RINL: variants seen among roughly 807,000 people sequenced by gnomAD.
The protein encoded by RINL is Ras and Rab interactor like, also known as ras and Rab interactor-like protein.
A neutral mutation model predicts 58.1 loss-of-function variants in RINL; 39 were observed. That is an observed-to-expected ratio of 0.67 (90% CI 0.52 to 0.88). The LOEUF (loss-of-function observed/expected upper bound fraction) is 0.88, where lower values mean the gene tolerates loss of function less well. Among genes scored for constraint, RINL ranks in the 40% least tolerant of loss-of-function variants. The probability of loss-of-function intolerance (pLI) is 0.00; values close to 1 mark genes in which losing one functional copy is unlikely to be tolerated. For missense variants in RINL, 711 were observed against 749.2 expected (o/e 0.95, Z 0.60); for synonymous variants, 286 against 323.1 (o/e 0.89, Z 1.23).
chr19:38,869,851 G>A lies in RINL; in HGVS notation c.1342+92C>T, dbSNP rs2145471395. 6.6e-7 allele frequency: 1 copy of A among 1,515,134 alleles called. No individual in the cohort carries two copies. The highest frequency in any genetic ancestry group is 8.9e-7 in the Non-Finnish European group (1 of 1,125,826). 93.9% of individuals were successfully genotyped at this position (1,515,134 alleles called of 1,614,324 possible). On this transcript the variant is annotated intron_variant, in intron 9 of 11. Coordinates refer to ENST00000591812, the MANE Select transcript of RINL (RefSeq NM_001195833.2). The surrounding 1 kb of genome is among the most constrained non-coding windows in gnomAD (Gnocchi z 5.7). ...GCCTCCTACCAGAATCTTCAGGACC[G>A]CATAGATTCCTCCCACCAGTGCTAC...
At position 38,870,120 on chromosome 19, in the gene RINL, G is replaced by A; in HGVS notation, c.1165C>T (p.Pro389Ser). 7.0e-7 allele frequency: 1 copy of A among 1,425,592 alleles called. No homozygotes were observed. The highest frequency in any genetic ancestry group is 9.1e-7 in the Non-Finnish European group (1 of 1,100,388). 88.3% of individuals were successfully genotyped at this position (1,425,592 alleles called of 1,614,324 possible). Reference protein sequence around the residue: ...RQTALRAGAGPPGAQGPGPEG... With the variant: ...RQTALRAGAGSPGAQGPGPEG... ...GGTCCCGGCCCCTGTGCCCCCGGAG[G>A]CCCCGCCCCCGCCCGCAGGGCTGTC... The change falls in exon 9 of 12, where the codon CCT (proline) becomes TCT (serine). Residue 389 changes from proline (P) to serine (S), a missense_variant. Coordinates refer to ENST00000591812, the MANE Select transcript of RINL (RefSeq NM_001195833.2). The surrounding 1 kb of genome is among the most constrained non-coding windows in gnomAD (Gnocchi z 5.8).
At chr19:38,875,549 T>C (rs1972905222) in intron 3 of RINL, among the ~76,000 whole-genome samples, 1 of 150,422 alleles carries the variant, frequency 6.6e-6, no homozygotes, top group Non-Finnish European at 1.5e-5. Flanking sequence ...TTGTGGCAGA[T>C]GCCTGTAATC....
chr19:38,870,822 C>G lies in RINL; in HGVS notation c.772G>C (p.Val258Leu). 1 of 1,610,520 alleles carries G rather than the reference C, an allele frequency of 6.2e-7. No homozygotes were observed. Among genetic ancestry groups the G allele is most frequent in the South Asian group, 1.1e-5 (1 of 91,092 alleles). Residue 258 changes from valine to leucine, a missense_variant, in exon 8 of 12, where the codon GTG becomes CTG. By Grantham distance (32) the Val-to-Leu change is conservative. Transcript: ENST00000591812. This position sits in a 1 kb window ranked among gnomAD's most constrained non-coding sequence, Gnocchi z 5.8. ...DDPEEEGPED[V>L]LTIHVQSLVR... ...AGAGACTGGACGTGAATGGTGAGCA[C>G]GTCCTCAGGGCCTTCCTCTTCAGGG...
rs767209812 is a variant in RINL, at chr19:38,869,352, G to C, written c.1533C>G (p.Pro511=). ...GALHHIAHYQ[P]ETDRAPRGLS... ...GCCCCCGGGGAGCGCGGTCTGTTTC[G>C]GGCTGGTAGTGGGCAATGTGGTGCA... Residue 511 remains proline, a synonymous_variant, in exon 11 of 12, where the codon CCC becomes CCG. Coordinates refer to ENST00000591812, the MANE Select transcript of RINL (RefSeq NM_001195833.2). The surrounding 1 kb of genome is among the most constrained non-coding windows in gnomAD (Gnocchi z 5.7). The C allele has an allele frequency of 6.2e-7, 1 of 1,613,648 alleles. No individual in the cohort carries two copies. The highest frequency in any genetic ancestry group is 2.2e-5 in the East Asian group (1 of 44,892).
rs1972716456 is a variant in RINL, at chr19:38,868,283, A to G, written c.*821T>C. On this transcript the variant is annotated 3_prime_UTR_variant, in exon 12 of 12. Coordinates refer to ENST00000591812, the MANE Select transcript of RINL (RefSeq NM_001195833.2). ...TTTAGTTTTTTAAATTGTAGTTACT[A>G]TGAACAATGAAATACATAAATATAT... is the stretch of plus-strand genomic sequence containing the variant. The G allele has an allele frequency of 6.6e-6, 1 of 152,162 alleles. No homozygotes were observed. Among genetic ancestry groups the G allele is most frequent in the Admixed American group, 6.5e-5 (1 of 15,272 alleles). 9.4% of individuals were successfully genotyped at this position (152,162 alleles called of 1,614,324 possible).
chr19:38,869,594 G>T lies in RINL; in HGVS notation c.1453C>A (p.Pro485Thr), dbSNP rs774269200. The part of the protein sequence containing the change: ...DVEFLMELLD[P>T]DELRGEAGYY... ...TCACCCTCTCCCCGCAGCTCATCTGGATCTAAGAGCTCCATAAGAAACTCT... is the reference window on the plus strand; with the variant it reads ...TCACCCTCTCCCCGCAGCTCATCTGTATCTAAGAGCTCCATAAGAAACTCT... Residue 485 changes from proline to threonine, a missense_variant, in exon 10 of 12, where the codon CCA becomes ACA. Transcript: ENST00000591812. The surrounding 1 kb of genome is among the most constrained non-coding windows in gnomAD (Gnocchi z 5.7). 6.2e-7 allele frequency: 1 copy of T among 1,613,840 alleles called. No homozygotes were observed. Among genetic ancestry groups the T allele is most frequent in the Non-Finnish European group, 8.5e-7 (1 of 1,179,988 alleles).
chr19:38,870,141 C>T lies in RINL; in HGVS notation c.1144G>A (p.Ala382Thr). The stretch of plus-strand genomic sequence containing the variant: ...GGAGGCCCCGCCCCCGCCCGCAGGG[C>T]TGTCTGTCGCCGCCGCAGCCGCCGC... ...ELRRLRRRQTALRAGAGPPGA... is the reference protein window; with the variant it reads ...ELRRLRRRQTTLRAGAGPPGA... Residue 382 changes from alanine (A) to threonine (T), a missense_variant, in exon 9 of 12, where the codon GCC becomes ACC. By Grantham distance (58) the Ala-to-Thr change is moderately conservative (BLOSUM62 0). Transcript: ENST00000591812. This position sits in a 1 kb window ranked among gnomAD's most constrained non-coding sequence, Gnocchi z 5.8. 1 of 1,413,214 alleles carries T rather than the reference C, an allele frequency of 7.1e-7. No individual in the cohort carries two copies. Among genetic ancestry groups the T allele is most frequent in the Non-Finnish European group, 9.1e-7 (1 of 1,094,078 alleles). 87.5% of individuals were successfully genotyped at this position (1,413,214 alleles called of 1,614,324 possible). A position where few individuals can be genotyped will look rare whatever the true frequency, so the allele number is the denominator to read the frequency against.
At chr19:38,871,014 G>C (rs774361612) in intron 7 of RINL, 22 bp from the exon 8 acceptor site, 2 of 1,584,894 alleles carry the variant, frequency 1.3e-6, no homozygotes, top group Non-Finnish European at 1.7e-6. Context: ...GAGGGCATTC[G>C]GTCGCCTAGA....
chr19:38,871,170 A>C lies in RINL; in HGVS notation c.509T>G (p.Val170Gly). The C allele has an allele frequency of 6.2e-7, 1 of 1,614,034 alleles. No individual in the cohort carries two copies. The highest frequency in any genetic ancestry group is 8.5e-7 in the Non-Finnish European group (1 of 1,179,960). ...QDTPGKVLSI[V>G]NQLYLETHRG... The stretch of plus-strand genomic sequence containing the variant: ...GTGGGTCTCCAGGTAGAGCTGGTTC[A>C]CAATGGAAAGCACCTTCCCTGGGGT... Residue 170 changes from valine to glycine, a missense_variant, in exon 7 of 12, where the codon GTG becomes GGG. Val to Gly is a moderately radical substitution (Grantham distance 109). Coordinates refer to ENST00000591812, the MANE Select transcript of RINL (RefSeq NM_001195833.2).
In RINL at chr19:38,869,217, C is replaced by T. The variant is rs202244412; in HGVS notation, c.1638+30G>A. 15 of 1,614,042 alleles carry T rather than the reference C, an allele frequency of 9.3e-6. No individual in the cohort carries two copies. Among genetic ancestry groups the T allele is most frequent in the Admixed American group, 5.0e-5 (3 of 60,006 alleles). On this transcript the variant is annotated intron_variant, in intron 11 of 11. Transcript: ENST00000591812. This position sits in a 1 kb window ranked among gnomAD's most constrained non-coding sequence, Gnocchi z 5.7. ...CAGAAGGGCACCAGGTCTCACCCTC[C>T]CTTCTACTTGCAGCCAGATGGGCAG...
At chr19:38,877,376 A>G (rs1354505627) in intron 1 of RINL, among the ~76,000 whole-genome samples, 1 of 152,134 alleles carries the variant, frequency 6.6e-6, no homozygotes, top group Non-Finnish European at 1.5e-5. Context: ...GGCTGTGTAA[A>G]TGTGGGCCAG....
rs1972793478 is a variant in RINL, at chr19:38,870,855, C to T, written c.739G>A (p.Glu247Lys). Residue 247 changes from glutamate (E) to lysine (K), a missense_variant, in exon 8 of 12, where the codon GAG becomes AAG. Transcript: ENST00000591812. The surrounding 1 kb of genome is among the most constrained non-coding windows in gnomAD (Gnocchi z 5.8). ...EDLEGKEEGREDDPEEEGPED... is the reference protein window; with the variant it reads ...EDLEGKEEGRKDDPEEEGPED... The stretch of plus-strand genomic sequence containing the variant: ...GGGCCTTCCTCTTCAGGGTCGTCCT[C>T]CCTTCCTTCCTCCTTTCCTTCAAGG... The T allele has an allele frequency of 6.2e-7, 1 of 1,606,430 alleles. No individual in the cohort carries two copies. Among genetic ancestry groups the T allele is most frequent in the South Asian group, 1.1e-5 (1 of 91,094 alleles).
chr19:38,870,264 CG>C lies in RINL; in HGVS notation c.1025-5del. 1 of 1,381,896 alleles carries C rather than the reference CG, an allele frequency of 7.2e-7. No individual in the cohort carries two copies. The highest frequency in any genetic ancestry group is 9.3e-7 in the Non-Finnish European group (1 of 1,075,306). 85.6% of individuals were successfully genotyped at this position (1,381,896 alleles called of 1,614,324 possible). The stretch of plus-strand genomic sequence containing the variant: ...ACCGCCGTCTCCAGCGCGGGGCCTG[CG>C]GGGTGTGGGGGACGGGTGAGCACAG... On this transcript the variant is annotated splice_region_variant and splice_polypyrimidine_tract_variant and intron_variant, in intron 8 of 11. Transcript: ENST00000591812. This position sits in a 1 kb window ranked among gnomAD's most constrained non-coding sequence, Gnocchi z 5.8.
At position 38,869,933 on chromosome 19, in the gene RINL, C is replaced by G; in HGVS notation, c.1342+10G>C. 6.3e-7 allele frequency: 1 copy of G among 1,591,012 alleles called. No individual in the cohort carries two copies. On this transcript the variant is annotated intron_variant, in intron 9 of 11. Transcript: ENST00000591812. This position sits in a 1 kb window ranked among gnomAD's most constrained non-coding sequence, Gnocchi z 5.7. Reference sequence around the variant, plus strand: ...CTCCCCACCACGCTAGACGTTGACCCCTCCCTTACCTTGGTTCTCGCCTCG... The same window carrying G: ...CTCCCCACCACGCTAGACGTTGACCGCTCCCTTACCTTGGTTCTCGCCTCG...
rs925767867 is a variant in RINL, at chr19:38,869,645, C to A, written c.1402G>T (p.Asp468Tyr). The A allele has an allele frequency of 1.2e-6, 2 of 1,613,958 alleles. No homozygotes were observed. The highest frequency in any genetic ancestry group is 1.7e-6 in the Non-Finnish European group (2 of 1,179,990). ...ACGTCCAGCTGCGTGTCCCCAATGT[C>A]CGGGCTCCAGATGAGTTCCTCGGTC... ...ALTEELIWSP[D>Y]IGDTQLDVEF... Residue 468 changes from aspartate to tyrosine, a missense_variant, in exon 10 of 12, where the codon GAC becomes TAC. Coordinates refer to ENST00000591812, the MANE Select transcript of RINL (RefSeq NM_001195833.2). This position sits in a 1 kb window ranked among gnomAD's most constrained non-coding sequence, Gnocchi z 5.7.
rs200371318 is a variant in RINL at position 38,870,001 on chromosome 19, C to G, written c.1284G>C (p.Ala428=). The G allele has an allele frequency of 1.9e-6, 3 of 1,586,974 alleles. No homozygotes were observed. The highest frequency in any genetic ancestry group is 2.7e-5 in the African/African-American group (2 of 73,884). ...CATCTCTGCACACCTCCAAGAGGAG[C>G]GCCACCTTGCGGCGCGGGGCGCAGG... ...HAACAPRRKV[A]LLLEVCRDVY... The change falls in exon 9 of 12, where the codon GCG becomes GCC. Residue 428 remains alanine (A), a synonymous_variant. Transcript: ENST00000591812. This position sits in a 1 kb window ranked among gnomAD's most constrained non-coding sequence, Gnocchi z 5.8.
rs2145470324 is a variant in RINL, at chr19:38,869,527, A to G, written c.1474+46T>C. ...GGGGGGAGGCTGTTTGGGATCCCGG[A>G]GGTACTGGATCGCTGGGCTCCAGCA... On this transcript the variant is annotated intron_variant, in intron 10 of 11. Coordinates refer to ENST00000591812, the MANE Select transcript of RINL (RefSeq NM_001195833.2). This position sits in a 1 kb window ranked among gnomAD's most constrained non-coding sequence, Gnocchi z 5.7. 1.2e-6 allele frequency: 2 copies of G among 1,604,444 alleles called. No homozygotes were observed. Among genetic ancestry groups the G allele is most frequent in the South Asian group, 1.1e-5 (1 of 90,636 alleles).
At chr19:38,876,565 G>C in intron 2 of RINL, 75 bp from the exon 3 acceptor site, 1 of 1,473,868 alleles carries the variant, frequency 6.8e-7, no homozygotes, top group Non-Finnish European at 9.2e-7. Context: ...CAAAGGTACA[G>C]GAAGGGGCAG....
Position 38,868,981 on chromosome 19 carries a change from T to TG in RINL, c.*122dup. 3 of 813,218 alleles carry TG rather than the reference T, an allele frequency of 3.7e-6. No homozygotes were observed. The highest frequency in any genetic ancestry group is 4.4e-5 in the South Asian group (2 of 45,666). The allele number at this position is 813,218 out of a possible 1,614,324, so 50.4% of individuals were successfully genotyped here. A position where few individuals can be genotyped will look rare whatever the true frequency, so the allele number is the denominator to read the frequency against. On this transcript the variant is annotated 3_prime_UTR_variant, in exon 12 of 12. Coordinates refer to ENST00000591812, the MANE Select transcript of RINL (RefSeq NM_001195833.2). ...GCTAATTTTTGTTTTTTTTTTTTTT[T>TG]GGTAGATGGGGGTCCCACTGTTTTG...
Sources: allele counts gnomAD v4.1 joint callset (sites outside exome capture counted in the v4.1 genomes callset), GRCh38; gene constraint gnomAD v4.1.1; non-coding constraint Gnocchi (gnomAD v3.1); transcripts MANE v1.5; gene names NCBI Gene and HGNC (gene_info 2026-07-23, HGNC 2026-07-21).